RPL28: variants seen among roughly 807,000 people sequenced by gnomAD.
RPL28 encodes ribosomal protein L28, also known as large ribosomal subunit protein eL28.
In RPL28, 4 loss-of-function variants were observed where a neutral mutation model predicts 12.5. The observed-to-expected ratio is 0.32, with a 90% CI of 0.16 to 0.73. The LOEUF (loss-of-function observed/expected upper bound fraction) is 0.73. RPL28 is among the 30% of genes least tolerant of loss of function. RPL28 has a pLI of 0.66. For synonymous variants in RPL28, 91 were observed against 72.5 expected, an observed-to-expected ratio of 1.26 and a Z score of -1.30; for missense variants, 214 against 197.7, an observed-to-expected ratio of 1.08 and a Z score of -0.49.
chr19:55,401,453 C>T, intron 4 of RPL28: 3 of 1,605,404 alleles, frequency 1.9e-6, no homozygotes, highest in Non-Finnish European at 2.5e-6. Flanking sequence ...CGCCGCAGCG[C>T]CCGCTTCTTG....
chr19:55,387,268 CT>C, intron 3 of RPL28: 2 of 1,550,204 alleles, frequency 1.3e-6, no homozygotes, highest in Non-Finnish European at 1.7e-6. Flanking sequence ...CTTGACAGGG[CT>C]GTATTTTCTT....
intron 4 of RPL28, chr19:55,401,913 T>G: frequency 1.5e-6 from 1 of 664,384 alleles, no homozygotes; most frequent in Non-Finnish European, 2.2e-6. Context: ...CTCCCTCATC[T>G]TTGCTCCTGT....
Position 55,391,556 on chromosome 19 carries a change from C to T in RPL28, c.*3224C>T. ...ACTGAGGCATCCTCTGTTCACAGGA[C>T]ATGCTGGCATCTACTGGGTCAGGGC... On this transcript the variant is annotated 3_prime_UTR_variant, in exon 5 of 5. Coordinates refer to ENST00000344063, the MANE Select transcript of RPL28 (RefSeq NM_000991.5). 1.3e-6 allele frequency: 2 copies of T among 1,533,286 alleles called. No homozygotes were observed. Among genetic ancestry groups the T allele is most frequent in the African/African-American group, 1.4e-5 (1 of 72,878 alleles). 95.0% of individuals were successfully genotyped at this position (1,533,286 alleles called of 1,614,324 possible). A position where few individuals can be genotyped will look rare whatever the true frequency, so the allele number is the denominator to read the frequency against.
intron 3 of RPL28, 50 bp downstream of exon 3, chr19:55,386,743 G>C: frequency 6.2e-7 from 1 of 1,611,376 alleles, no homozygotes; most frequent in South Asian, 1.1e-5. Context: ...CCCGGGTCTG[G>C]GAGCTGTGAT....
intron 4 of RPL28, among the ~76,000 whole-genome samples, chr19:55,401,983 G>A (rs79354098): frequency 1.0e-3 from 152 of 152,314 alleles, no homozygotes; most frequent in East Asian, 5.6e-3. Context: ...AAAAGGACAC[G>A]ATGCCATAGG....
rs756694541 is a variant in RPL28 at position 55,388,258 on chromosome 19, G to A, written c.340G>A (p.Ala114Thr). Reference sequence around the variant, plus strand: ...CCGCCCCCAGGCAGCCATCCGCAGGGCCAGCGCCATCCTGCGCAGCCAGAA... The same window carrying A: ...CCGCCCCCAGGCAGCCATCCGCAGGACCAGCGCCATCCTGCGCAGCCAGAA... ...PDLRMAAIRR[A>T]SAILRSQKPV... The change falls in exon 5 of 5, where the codon GCC (alanine) becomes ACC (threonine). Residue 114 changes from alanine (A) to threonine (T), a missense_variant. Ala to Thr is a moderately conservative substitution (Grantham distance 58). Coordinates refer to ENST00000344063, the MANE Select transcript of RPL28 (RefSeq NM_000991.5). 13 of 1,569,002 alleles carry A rather than the reference G, an allele frequency of 8.3e-6. No homozygotes were observed. In the African/African-American group the frequency reaches 1.5e-4, roughly 18 times the overall value.
chr19:55,402,137 T>C (rs572952589), intron 4 of RPL28, among the ~76,000 whole-genome samples: 7 of 152,296 alleles, frequency 4.6e-5, no homozygotes, highest in Admixed American at 1.3e-4. Flanking sequence ...TCCATGCAGT[T>C]CAGCATGACC....
rs751044880 is a variant in RPL28, at chr19:55,388,257, G to T, written c.339G>T (p.Arg113Ser). 1.3e-6 allele frequency: 2 copies of T among 1,568,876 alleles called. No homozygotes were observed. Among genetic ancestry groups the T allele is most frequent in the African/African-American group, 2.7e-5 (2 of 73,374 alleles). Residue 113 changes from arginine (R) to serine (S), a missense_variant, in exon 5 of 5, where the codon AGG (arginine) becomes AGT (serine). Physicochemically the swap from Arg to Ser is moderately radical, Grantham distance 110 (BLOSUM62 -1). Coordinates refer to ENST00000344063, the MANE Select transcript of RPL28 (RefSeq NM_000991.5). ...RPDLRMAAIR[R>S]ASAILRSQKP... Reference sequence around the variant, plus strand: ...CCCGCCCCCAGGCAGCCATCCGCAGGGCCAGCGCCATCCTGCGCAGCCAGA... The same window carrying T: ...CCCGCCCCCAGGCAGCCATCCGCAGTGCCAGCGCCATCCTGCGCAGCCAGA...
In RPL28 at chr19:55,391,606, C is replaced by A; in HGVS notation, c.*3274C>A. ...CTCTGCTGCTCGGTGGCTGTGCAAC[C>A]TTGGGCAAGTTCCTCAACCTCTCTG... On this transcript the variant is annotated 3_prime_UTR_variant, in exon 5 of 5. Transcript: ENST00000344063. 6.5e-7 allele frequency: 1 copy of A among 1,548,936 alleles called. No homozygotes were observed. The highest frequency in any genetic ancestry group is 8.7e-7 in the Non-Finnish European group (1 of 1,144,554).
chr19:55,386,247 G>C, intron 1 of RPL28, 103 bp from the exon 2 acceptor site: 1 of 1,084,888 alleles, frequency 9.2e-7, no homozygotes, highest in Non-Finnish European at 1.4e-6. Context: ...ATTCACCCAA[G>C]TTCCCAGTCG....
intron 4 of RPL28, chr19:55,402,927 CTTT>C (rs112400318): frequency 8.7e-7 from 1 of 1,151,020 alleles, no homozygotes; most frequent in Non-Finnish European, 1.2e-6. Flanking sequence ...ATTTGGTTAA[CTTT>C]TTTTTTTTTC....
Position 55,391,467 on chromosome 19 carries a change from G to C in RPL28, c.*3135G>C, listed in dbSNP as rs2089989098. On this transcript the variant is annotated 3_prime_UTR_variant, in exon 5 of 5. Transcript: ENST00000344063. ...AGCGTAGGGCGCACCCTGGAAGGCT[G>C]CCAAGCCCAAAGTTGTGCAGAGCGC... is the stretch of plus-strand genomic sequence containing the variant. 7.3e-7 allele frequency: 1 copy of C among 1,365,254 alleles called. No individual in the cohort carries two copies. The highest frequency in any genetic ancestry group is 1.5e-5 in the African/African-American group (1 of 67,580). 84.6% of individuals were successfully genotyped at this position (1,365,254 alleles called of 1,614,324 possible). A position where few individuals can be genotyped will look rare whatever the true frequency, so the allele number is the denominator to read the frequency against.
intron 4 of RPL28, among the ~76,000 whole-genome samples, chr19:55,397,112 T>G (rs2090029548): frequency 6.6e-6 from 1 of 151,586 alleles, no homozygotes. Flanking sequence ...ACTTGTGAGC[T>G]CAAGCCATCT....
At chr19:55,387,730 G>T (rs1479295838) in intron 3 of RPL28, 200 bp from the exon 4 acceptor site, 2 of 1,430,402 alleles carry the variant, frequency 1.4e-6, no homozygotes, top group East Asian at 2.5e-5. Context: ...GGCAGAAGCT[G>T]TGTCCTCAGT....
Position 55,389,488 on chromosome 19 carries a change from C to T in RPL28, c.*1156C>T. 1 of 985,392 alleles carries T rather than the reference C, an allele frequency of 1.0e-6. No individual in the cohort carries two copies. Among genetic ancestry groups the T allele is most frequent in the Non-Finnish European group, 1.2e-6 (1 of 829,948 alleles). 61.0% of individuals were successfully genotyped at this position (985,392 alleles called of 1,614,324 possible). Reference sequence around the variant, plus strand: ...CCCTGGTTCCTGCCATCCTGGGGTACCCGATTCAAAGAAGGACTCTGCTCC... The same window carrying T: ...CCCTGGTTCCTGCCATCCTGGGGTATCCGATTCAAAGAAGGACTCTGCTCC... On this transcript the variant is annotated 3_prime_UTR_variant, in exon 5 of 5. Transcript: ENST00000344063.
downstream of RPL28, among the ~76,000 whole-genome samples, chr19:55,393,404 C>T (rs2090004143): frequency 1.3e-5 from 2 of 152,040 alleles, no homozygotes; most frequent in African/African-American, 4.8e-5. Context: ...TCCCTAGGCT[C>T]AGATGAAGAC....
In RPL28 at chr19:55,386,684, C is replaced by T. The variant is rs751281357; in HGVS notation, c.196C>T (p.Arg66Trp). 21 of 1,614,002 alleles carry T rather than the reference C, an allele frequency of 1.3e-5. No homozygotes were observed. The East Asian group carries it at 3.8e-4, about 29-fold the overall frequency. ...DGKGVVVVIK[R>W]RSGQRKPATS... Reference sequence around the variant, plus strand: ...CAAAGGTGTCGTGGTGGTCATTAAGCGGAGATCCGGTGAGTTTTGTCTGGT... The same window carrying T: ...CAAAGGTGTCGTGGTGGTCATTAAGTGGAGATCCGGTGAGTTTTGTCTGGT... The change falls in exon 3 of 5, where the codon CGG (arginine) becomes TGG (tryptophan). Residue 66 changes from arginine (R) to tryptophan (W), a missense_variant. By Grantham distance (101) the Arg-to-Trp change is moderately radical (BLOSUM62 -3). Coordinates refer to ENST00000344063, the MANE Select transcript of RPL28 (RefSeq NM_000991.5).
Position 55,391,082 on chromosome 19 carries a change from C to A in RPL28, c.*2750C>A. ...AAGCGTCTTGTCACATACAGAAGGTCCCTGATAAAGTTAGTAGCTGCCCTC... is the reference window on the plus strand; with the variant it reads ...AAGCGTCTTGTCACATACAGAAGGTACCTGATAAAGTTAGTAGCTGCCCTC... On this transcript the variant is annotated 3_prime_UTR_variant, in exon 5 of 5. Transcript: ENST00000344063. The A allele has an allele frequency of 1.9e-6, 1 of 521,008 alleles. No homozygotes were observed. The highest frequency in any genetic ancestry group is 2.5e-6 in the Non-Finnish European group (1 of 405,010). 32.3% of individuals were successfully genotyped at this position (521,008 alleles called of 1,614,324 possible).
At chr19:55,401,659 C>T (rs754546129) in intron 4 of RPL28, 17 of 1,609,858 alleles carry the variant, frequency 1.1e-5, no homozygotes, top group African/African-American at 1.3e-5. Context: ...TGTGAGCAGA[C>T]GGGCCCGAGC....
Sources: gnomAD v4.1 joint callset for allele counts (sites outside exome capture counted in the v4.1 genomes callset) on GRCh38, gnomAD v4.1.1 for gene constraint, MANE v1.5 for transcripts, NCBI Gene and HGNC (gene_info 2026-07-23, HGNC 2026-07-21) for gene names.